Variants in SNTG1 observed in about 807,000 individuals in gnomAD.
The protein encoded by SNTG1 is gamma-1-syntrophin.
SNTG1 carries 39 observed loss-of-function variants against 74.7 expected under a neutral mutation model. The ratio of observed to expected loss-of-function variants is 0.52; its 90% CI spans 0.40 to 0.68. SNTG1 has a LOEUF of 0.68. Among genes scored for constraint, SNTG1 ranks in the 30% least tolerant of loss-of-function variants. SNTG1 has a pLI of 0.00. For missense variants in SNTG1, 685 were observed against 609.5 expected (o/e 1.12, Z -1.30); for synonymous variants, 254 against 217.1 (o/e 1.17, Z -1.49).
intron 2 of SNTG1, among the ~76,000 whole-genome samples, chr8:50,360,239 C>A (rs1193241812): frequency 2.0e-5 from 3 of 152,072 alleles, no homozygotes; most frequent in Non-Finnish European, 4.4e-5. Context: ...ATTACATGTA[C>A]AAATGGGAGT....
chr8:49,930,889 A>G (rs996927452), intron 1 of SNTG1, among the ~76,000 whole-genome samples: 67 of 152,226 alleles, frequency 4.4e-4, no homozygotes, highest in African/African-American at 1.6e-3. Context: ...TTGTTTAGAT[A>G]CCAGCAATAT....
At chr8:50,649,728 G>A (rs573386470) in intron 13 of SNTG1, among the ~76,000 whole-genome samples, 2 of 152,186 alleles carry the variant, frequency 1.3e-5, no homozygotes, top group African/African-American at 4.8e-5. Context: ...CCTCATTAAT[G>A]CTCTTGCCCA....
chr8:50,556,218 G>T (rs1465542975), intron 12 of SNTG1, among the ~76,000 whole-genome samples: 1 of 152,092 alleles, frequency 6.6e-6, no homozygotes, highest in African/African-American at 2.4e-5. Context: ...TAGAATGAGG[G>T]TGAAGGCTTT....
At chr8:50,684,721 T>C (rs1447150449) in intron 15 of SNTG1, among the ~76,000 whole-genome samples, 1 of 148,462 alleles carries the variant, frequency 6.7e-6, no homozygotes, top group Non-Finnish European at 1.5e-5. Context: ...TTTTTTGTTT[T>C]TGTTTTTGTT....
chr8:50,209,058 C>T (rs562343116), intron 2 of SNTG1, among the ~76,000 whole-genome samples: 33 of 152,258 alleles, frequency 2.2e-4, no homozygotes, highest in African/African-American at 6.0e-4. Flanking sequence ...TAGAAAATGG[C>T]ACATCAGGAG....
chr8:50,641,459 G>A (rs906720615), intron 13 of SNTG1, among the ~76,000 whole-genome samples: 2 of 152,182 alleles, frequency 1.3e-5, no homozygotes, highest in African/African-American at 2.4e-5. Context: ...TGCTCAGCAG[G>A]TCTCTCCTCT....
intron 2 of SNTG1, among the ~76,000 whole-genome samples, chr8:50,345,361 C>T (rs1448780425): frequency 1.3e-5 from 2 of 152,066 alleles, no homozygotes; most frequent in Admixed American, 6.6e-5. Context: ...TGTTTTAGTG[C>T]CTGCGAGTGG....
chr8:50,586,374 C>T (rs562213551), intron 12 of SNTG1, among the ~76,000 whole-genome samples: 2 of 152,202 alleles, frequency 1.3e-5, no homozygotes, highest in East Asian at 3.9e-4. Context: ...GTAATAATTA[C>T]AACTGGAATT....
At chr8:50,205,317 C>T (rs1458659276) in intron 2 of SNTG1, among the ~76,000 whole-genome samples, 1 of 152,164 alleles carries the variant, frequency 6.6e-6, no homozygotes, top group Non-Finnish European at 1.5e-5. Flanking sequence ...TCTCTGATGG[C>T]CAATGATGAT....
intron 13 of SNTG1, among the ~76,000 whole-genome samples, chr8:50,603,303 C>T (rs566031718): frequency 3.3e-5 from 5 of 152,304 alleles, no homozygotes; most frequent in African/African-American, 1.2e-4. Flanking sequence ...CACTCTGATG[C>T]ATTCTTCAGT....
At chr8:50,085,545 C>T (rs1330478609) in intron 1 of SNTG1, among the ~76,000 whole-genome samples, 2 of 152,200 alleles carry the variant, frequency 1.3e-5, no homozygotes, top group African/African-American at 4.8e-5. Context: ...TCATCAAGCC[C>T]TCAGGTTCTT....
chr8:50,098,479 G>A (rs935219567), intron 1 of SNTG1, among the ~76,000 whole-genome samples: 1 of 152,070 alleles, frequency 6.6e-6, no homozygotes, highest in Non-Finnish European at 1.5e-5. Context: ...TTTGGTATAC[G>A]TAATCTAGAG....
chr8:50,420,464 A>G (rs980686138), intron 4 of SNTG1, among the ~76,000 whole-genome samples: 3 of 152,176 alleles, frequency 2.0e-5, no homozygotes, highest in Admixed American at 1.3e-4. Context: ...TCAAGACATC[A>G]TAAGATATAA....
intron 2 of SNTG1, among the ~76,000 whole-genome samples, chr8:50,285,693 C>A (rs1014630136): frequency 6.6e-6 from 1 of 151,640 alleles, no homozygotes; most frequent in Admixed American, 6.6e-5. Context: ...ATAAAAATGG[C>A]GACTTCTGGA....
chr8:50,510,537 T>C (rs1319275507), intron 9 of SNTG1, among the ~76,000 whole-genome samples: 1 of 152,198 alleles, frequency 6.6e-6, no homozygotes, highest in Admixed American at 6.5e-5. Flanking sequence ...TGTGAATCCA[T>C]CTGGTCCTGG....
At chr8:50,424,831 A>C (rs2093141163) in intron 4 of SNTG1, among the ~76,000 whole-genome samples, 1 of 152,202 alleles carries the variant, frequency 6.6e-6, no homozygotes, top group Non-Finnish European at 1.5e-5. Flanking sequence ...TAGGAGCTTC[A>C]GGAAATGCTA....
intron 6 of SNTG1, among the ~76,000 whole-genome samples, 175 bp from the exon 7 acceptor site, chr8:50,450,381 T>C (rs924779166): frequency 3.3e-5 from 5 of 152,246 alleles, no homozygotes; most frequent in Middle Eastern, 3.2e-3. Flanking sequence ...GCTTCAGTAA[T>C]TAGACTGAGT....
At chr8:50,691,409 G>T (rs2095378672) in intron 15 of SNTG1, among the ~76,000 whole-genome samples, 1 of 152,134 alleles carries the variant, frequency 6.6e-6, no homozygotes, top group Non-Finnish European at 1.5e-5. Flanking sequence ...TCCTTGTTTA[G>T]TGCTTCCTTC....
chr8:50,446,902 A>C (rs1259762919), intron 5 of SNTG1, among the ~76,000 whole-genome samples: 5 of 152,218 alleles, frequency 3.3e-5, no homozygotes, highest in African/African-American at 1.2e-4. Context: ...ACTGCATATA[A>C]CATATTTGCT....
Sources: allele counts gnomAD v4.1 joint callset (sites outside exome capture counted in the v4.1 genomes callset), GRCh38; gene constraint gnomAD v4.1.1; transcripts MANE v1.5; gene names NCBI Gene and HGNC (gene_info 2026-07-23, HGNC 2026-07-21).